Variants in SLC16A2 observed in about 807,000 individuals in gnomAD.
The protein encoded by SLC16A2 is solute carrier family 16 member 2.
Under a neutral mutation model 27.2 loss-of-function variants are expected in SLC16A2, and 3 were observed. The ratio of observed to expected loss-of-function variants is 0.11; its 90% CI spans 0.05 to 0.28. The LOEUF is 0.28. Ranked by LOEUF, SLC16A2 falls within the 10% of genes least tolerant of loss-of-function variation. SLC16A2 has a pLI of 1.00. For synonymous variants in SLC16A2, 202 were observed against 187.8 expected, an observed-to-expected ratio of 1.08 and a Z score of -0.62; for missense variants, 295 against 458.5, an observed-to-expected ratio of 0.64 and a Z score of 3.26.
At chrX:74,518,576 T>C (rs1271022126) in intron 1 of SLC16A2, among the ~76,000 whole-genome samples, 1 of 106,221 alleles carries the variant, frequency 9.4e-6, no homozygotes, top group African/African-American at 3.5e-5. Context: ...GGAGACAGAA[T>C]GAAACTCTGT....
intron 1 of SLC16A2, among the ~76,000 whole-genome samples, chrX:74,512,757 T>C (rs771296214): frequency 4.8e-4 from 54 of 111,699 alleles, no homozygotes; most frequent in Non-Finnish European, 8.8e-4. Context: ...AAGGCACTAA[T>C]TGAGTATTTG....
chrX:74,424,105 G>C (rs1254819595), intron 1 of SLC16A2, among the ~76,000 whole-genome samples: 1 of 108,232 alleles, frequency 9.2e-6, no homozygotes, highest in East Asian at 2.9e-4. Context: ...TGGGGGTGGT[G>C]GTGGGGGTGC....
At chrX:74,473,300 A>C in intron 1 of SLC16A2, 1 of 571,727 alleles carries the variant, frequency 1.7e-6, no homozygotes, top group South Asian at 2.3e-5. Flanking sequence ...CCACCATGAC[A>C]ACTGAAGCTT....
At chrX:74,501,086 T>C (rs767254696) in intron 1 of SLC16A2, among the ~76,000 whole-genome samples, 3 of 109,086 alleles carry the variant, frequency 2.8e-5, no homozygotes, top group Admixed American at 9.7e-5. Flanking sequence ...ACCTATATTG[T>C]TTCATATAGT....
intron 3 of SLC16A2, 125 bp from the exon 4 acceptor site, chrX:74,525,625 G>A (rs1341397154): frequency 7.7e-6 from 6 of 776,783 alleles, no homozygotes; most frequent in Non-Finnish European, 1.2e-5. Context: ...TAGGGCTACA[G>A]GAGAGGGGGT....
intron 1 of SLC16A2, among the ~76,000 whole-genome samples, chrX:74,505,503 G>A: frequency 8.9e-6 from 1 of 112,339 alleles, no homozygotes; most frequent in African/African-American, 3.2e-5. Context: ...GGGTGCTAGG[G>A]ATTGTCAGCC....
At chrX:74,476,247 T>C (rs1442526803) in intron 1 of SLC16A2, among the ~76,000 whole-genome samples, 1 of 112,017 alleles carries the variant, frequency 8.9e-6, no homozygotes, top group African/African-American at 3.3e-5. Flanking sequence ...GAAGCAATTG[T>C]GAATGGGAGT....
At chrX:74,449,960 A>G (rs1476829668) in intron 1 of SLC16A2, among the ~76,000 whole-genome samples, 1 of 112,114 alleles carries the variant, frequency 8.9e-6, no homozygotes. Flanking sequence ...TTGTCTTGCA[A>G]CAGGGCACTA....
chrX:74,518,881 T>C (rs1311015734), intron 1 of SLC16A2, among the ~76,000 whole-genome samples: 1 of 111,993 alleles, frequency 8.9e-6, no homozygotes, highest in Non-Finnish European at 1.9e-5. Flanking sequence ...TGCTGCAAAA[T>C]TTTTCTGTCT....
At position 74,463,596 on chromosome X, in the gene SLC16A2, G is replaced by A. The variant is rs756618940; in HGVS notation, c.430+41529G>A. Reference sequence around the variant, plus strand: ...GGCTGGAGTGCAGTGGCACGATCTCGGCTCACTGCAAACTCCTCCTCCCGG... The same window carrying A: ...GGCTGGAGTGCAGTGGCACGATCTCAGCTCACTGCAAACTCCTCCTCCCGG... On this transcript the variant is annotated intron_variant, in intron 1 of 5. Transcript: ENST00000587091. 5.4e-5 allele frequency among the ~76,000 whole-genome samples: 6 copies of A among 110,161 alleles called. No homozygotes were observed. The Admixed American group carries it at 5.8e-4, about 11-fold the overall frequency.
chrX:74,516,239 G>A (rs1426882428), intron 1 of SLC16A2, among the ~76,000 whole-genome samples: 1 of 110,769 alleles, frequency 9.0e-6, no homozygotes, highest in Non-Finnish European at 1.9e-5. Flanking sequence ...TTTTTGTAGA[G>A]ATGGAGTTTT....
intron 1 of SLC16A2, among the ~76,000 whole-genome samples, chrX:74,487,306 T>A (rs2147858297): frequency 9.0e-6 from 1 of 111,001 alleles, no homozygotes; most frequent in Non-Finnish European, 1.9e-5. Flanking sequence ...GCCTATTCGT[T>A]GGGGGATATC....
chrX:74,527,570 C>G (rs1477573690), intron 4 of SLC16A2, among the ~76,000 whole-genome samples: 1 of 112,393 alleles, frequency 8.9e-6, no homozygotes, highest in Non-Finnish European at 1.9e-5. Flanking sequence ...CCTGGACAGT[C>G]TGCTGGAAAG....
At chrX:74,485,514 C>T (rs920504078) in intron 1 of SLC16A2, among the ~76,000 whole-genome samples, 1 of 110,498 alleles carries the variant, frequency 9.0e-6, no homozygotes, top group African/African-American at 3.3e-5. Context: ...TCTTAGAGCT[C>T]CCAAGATGGT....
intron 1 of SLC16A2, among the ~76,000 whole-genome samples, chrX:74,490,505 T>A (rs1213083664): frequency 1.8e-5 from 2 of 111,328 alleles, no homozygotes; most frequent in Non-Finnish European, 3.8e-5. Context: ...TTTTCCTCTC[T>A]GGAGGTCTAA....
chrX:74,451,483 C>A (rs187696858), intron 1 of SLC16A2, among the ~76,000 whole-genome samples: 1 of 112,429 alleles, frequency 8.9e-6, no homozygotes, highest in African/African-American at 3.2e-5. Context: ...ATTATTCAGA[C>A]TTGCAAGTGC....
chrX:74,488,161 A>G (rs756760125), intron 1 of SLC16A2, among the ~76,000 whole-genome samples: 2 of 111,970 alleles, frequency 1.8e-5, no homozygotes, highest in East Asian at 2.8e-4. Flanking sequence ...CAAAAAAATT[A>G]CTTGATTAGA....
At chrX:74,463,569 C>G (rs920131336) in intron 1 of SLC16A2, among the ~76,000 whole-genome samples, 1 of 110,868 alleles carries the variant, frequency 9.0e-6, no homozygotes, top group African/African-American at 3.3e-5. Context: ...CTTTGTCACC[C>G]AGGCTGGAGT....
intron 1 of SLC16A2, chrX:74,473,555 A>G: frequency 1.3e-6 from 1 of 743,986 alleles, no homozygotes; most frequent in Non-Finnish European, 2.1e-6. Context: ...AATTACTTCA[A>G]TTTTTCCATA....
Sources: allele counts gnomAD v4.1 joint callset (sites outside exome capture counted in the v4.1 genomes callset), GRCh38; gene constraint gnomAD v4.1.1; transcripts MANE v1.5; gene names NCBI Gene and HGNC (gene_info 2026-07-23, HGNC 2026-07-21).